The following PARD3 variants were observed in gnomAD, a reference collection of about 807,000 sequenced individuals.
The protein encoded by PARD3 is par-3 family cell polarity regulator.
PARD3 carries 75 observed loss-of-function variants against 155.4 expected under a neutral mutation model. The observed-to-expected ratio is 0.48, with a 90% confidence interval of 0.40 to 0.58. PARD3 has a LOEUF of 0.58. Among genes scored for constraint, PARD3 ranks in the 20% least tolerant of loss-of-function variants. PARD3 has a pLI of 0.00. For missense variants in PARD3, 1,642 were observed against 1,721.7 expected, an observed-to-expected ratio of 0.95 and a Z score of 0.82; for synonymous variants, 576 against 610.5, an observed-to-expected ratio of 0.94 and a Z score of 0.83.
intron 2 of PARD3, among the ~76,000 whole-genome samples, chr10:34,562,860 C>T (rs1458764561): frequency 6.6e-6 from 1 of 152,000 alleles, no homozygotes; most frequent in Non-Finnish European, 1.5e-5. Flanking sequence ...CAGCCTCAAA[C>T]TCGTGGCCTC....
intron 2 of PARD3, among the ~76,000 whole-genome samples, chr10:34,521,853 G>A (rs973976963): frequency 2.0e-5 from 3 of 152,192 alleles, no homozygotes; most frequent in Admixed American, 6.6e-5. Flanking sequence ...GTAGCAAAGT[G>A]GCTAACAGCA....
chr10:34,524,505 T>A (rs1319516455), intron 2 of PARD3, among the ~76,000 whole-genome samples: 3 of 152,138 alleles, frequency 2.0e-5, no homozygotes, highest in African/African-American at 4.8e-5. Flanking sequence ...TCAGACTAAT[T>A]AGATTCCCAG....
intron 22 of PARD3, among the ~76,000 whole-genome samples, chr10:34,162,025 C>T (rs1424089543): frequency 6.6e-6 from 1 of 152,190 alleles, no homozygotes; most frequent in African/African-American, 2.4e-5. Context: ...GTTGGAAATG[C>T]ATGACATATA....
intron 2 of PARD3, among the ~76,000 whole-genome samples, chr10:34,674,446 A>G (rs573778050): frequency 1.4e-5 from 2 of 146,738 alleles, no homozygotes; most frequent in South Asian, 4.4e-4. Flanking sequence ...GCCTCAATAC[A>G]GCTGTTTTCT....
At chr10:34,710,629 C>G (rs1307333710) in intron 1 of PARD3, among the ~76,000 whole-genome samples, 1 of 152,124 alleles carries the variant, frequency 6.6e-6, no homozygotes, top group Non-Finnish European at 1.5e-5. Context: ...GCCAAGCACT[C>G]AAAGCTCATC....
At chr10:34,785,565 G>A (rs1299337655) in intron 1 of PARD3, among the ~76,000 whole-genome samples, 1 of 152,046 alleles carries the variant, frequency 6.6e-6, no homozygotes, top group Admixed American at 6.6e-5. Context: ...GGGTAACACG[G>A]CGAGACCATG....
intron 2 of PARD3, among the ~76,000 whole-genome samples, chr10:34,639,346 A>C (rs1764397071): frequency 1.3e-5 from 2 of 152,042 alleles, no homozygotes; most frequent in Admixed American, 1.3e-4. Context: ...CTGTGAGCAA[A>C]AGAGCAAGAC....
At chr10:34,759,812 A>G (rs1182527197) in intron 1 of PARD3, among the ~76,000 whole-genome samples, 1 of 152,226 alleles carries the variant, frequency 6.6e-6, no homozygotes, top group Non-Finnish European at 1.5e-5. Flanking sequence ...TTTATTCCAC[A>G]TGTGGAATAA....
intron 1 of PARD3, among the ~76,000 whole-genome samples, chr10:34,813,992 G>T (rs1844555356): frequency 6.6e-6 from 1 of 152,224 alleles, no homozygotes. Context: ...GGAATGCTGT[G>T]AAGTGGAGAC....
chr10:34,450,634 C>T lies in PARD3; in HGVS notation c.583-186G>A, dbSNP rs1444031703. 6.6e-5 allele frequency among the ~76,000 whole-genome samples: 10 copies of T among 152,184 alleles called. No individual in the cohort carries two copies. The East Asian group carries it at 1.4e-3, about 21-fold the overall frequency. ...AGACCTCGGAATTATAACCATGTGC[C>T]GAGGACAGGCAAGTCTAATAATTAC... On this transcript the variant is annotated intron_variant, in intron 4 of 24. Coordinates refer to ENST00000374788, the MANE Select transcript of PARD3 (RefSeq NM_001184785.2).
intron 1 of PARD3, among the ~76,000 whole-genome samples, chr10:34,777,932 A>C (rs577231998): frequency 4.8e-4 from 73 of 152,194 alleles, no homozygotes; most frequent in African/African-American, 1.5e-3. Context: ...TCCCGCAAGG[A>C]GGCCTTTGGG....
chr10:34,188,704 G>A (rs1021268860), intron 22 of PARD3, among the ~76,000 whole-genome samples: 1 of 151,996 alleles, frequency 6.6e-6, no homozygotes. Flanking sequence ...GAAGAATTTG[G>A]GGCTTACATA....
chr10:34,572,667 G>C (rs1007285317), intron 2 of PARD3, among the ~76,000 whole-genome samples: 3 of 151,460 alleles, frequency 2.0e-5, no homozygotes, highest in Admixed American at 2.0e-4. Context: ...ACTTAAAGAG[G>C]AAAAAGCACA....
chr10:34,281,556 C>G (rs963965220), intron 21 of PARD3, among the ~76,000 whole-genome samples: 1 of 151,976 alleles, frequency 6.6e-6, no homozygotes, highest in African/African-American at 2.4e-5. Flanking sequence ...TACTCAAGAC[C>G]CAACCTCACA....
chr10:34,603,889 A>T (rs1038228772), intron 2 of PARD3, among the ~76,000 whole-genome samples: 5 of 152,120 alleles, frequency 3.3e-5, no homozygotes, highest in Non-Finnish European at 7.4e-5. Flanking sequence ...CACAGAGAAA[A>T]CTGTCCGACA....
chr10:34,261,023 A>G (rs562060506), intron 22 of PARD3, among the ~76,000 whole-genome samples: 1 of 152,176 alleles, frequency 6.6e-6, no homozygotes, highest in Non-Finnish European at 1.5e-5. Context: ...TGATTATGGT[A>G]TTTATGTTTC....
rs1413238139 is a variant in PARD3, at chr10:34,601,925, G to A, written c.223-84766C>T. 2.6e-5 allele frequency among the ~76,000 whole-genome samples: 4 copies of A among 152,094 alleles called. No individual in the cohort carries two copies. In the East Asian group the frequency reaches 7.7e-4, roughly 29 times the overall value. On this transcript the variant is annotated intron_variant, in intron 2 of 24. Coordinates refer to ENST00000374788, the MANE Select transcript of PARD3 (RefSeq NM_001184785.2). The stretch of plus-strand genomic sequence containing the variant: ...AATTGCAATTCCTGGAATTTACTGT[G>A]AAATGAGATGTTTATGAAACTCAGG...
chr10:34,227,186 TAAGAAA>T (rs1952642147), intron 22 of PARD3, among the ~76,000 whole-genome samples: 1 of 152,094 alleles, frequency 6.6e-6, no homozygotes, highest in African/African-American at 2.4e-5. Flanking sequence ...ACAGCTCCAT[TAAGAAA>T]TGGGCAAAGG....
intron 1 of PARD3, among the ~76,000 whole-genome samples, chr10:34,761,938 A>G (rs1479795616): frequency 1.3e-5 from 2 of 152,176 alleles, no homozygotes; most frequent in African/African-American, 4.8e-5. Context: ...AGATATAAAT[A>G]CAAATACATA....
Sources: allele counts gnomAD v4.1 joint callset (sites outside exome capture counted in the v4.1 genomes callset), GRCh38; gene constraint gnomAD v4.1.1; transcripts MANE v1.5; gene names NCBI Gene and HGNC (gene_info 2026-07-23, HGNC 2026-07-21).